GALNT7: variants seen among roughly 807,000 people sequenced by gnomAD.
GALNT7 encodes the protein N-acetylgalactosaminyltransferase 7.
In GALNT7, 60 loss-of-function variants were observed where a neutral mutation model predicts 82.1. That is an observed-to-expected ratio of 0.73 (90% CI 0.59 to 0.91). The LOEUF is 0.91. Ranked by LOEUF, GALNT7 falls within the 40% of genes least tolerant of loss-of-function variation. GALNT7 has a pLI of 0.00. For missense variants in GALNT7, 660 were observed against 804.2 expected, an observed-to-expected ratio of 0.82 and a Z score of 2.17; for synonymous variants, 243 against 275.1, an observed-to-expected ratio of 0.88 and a Z score of 1.15.
At position 173,219,301 on chromosome 4, in the gene GALNT7, T is replaced by C. The variant is rs143574254; in HGVS notation, c.127-28679T>C. 4.6e-4 allele frequency among the ~76,000 whole-genome samples: 70 copies of C among 152,262 alleles called. 1 individual carries two copies. The East Asian group carries it at 0.011, about 24-fold the overall frequency. On this transcript the variant is annotated intron_variant, in intron 1 of 11. Transcript: ENST00000265000. ...CCAGGTTGCTGCAAATGCCATTATT[T>C]CATTCCTTTTTATGTCTGAGTAGTG...
chr4:173,169,229 C>G (rs1296564550), intron 1 of GALNT7: 2 of 148,914 alleles, frequency 1.3e-5, no homozygotes, highest in African/African-American at 4.9e-5. Context: ...GCCGCGGCAG[C>G]GGCTCGGGCG....
At chr4:173,216,186 T>C (rs1044305996) in intron 1 of GALNT7, among the ~76,000 whole-genome samples, 5 of 152,212 alleles carry the variant, frequency 3.3e-5, no homozygotes, top group African/African-American at 1.2e-4. Context: ...CTATATGATA[T>C]TTGAATATGT....
rs185223400 is a variant in GALNT7 at position 173,303,536 on chromosome 4, A to G, written c.1267-460A>G. 1.3e-3 allele frequency among the ~76,000 whole-genome samples: 204 copies of G among 152,364 alleles called. 1 individual carries two copies. The highest frequency in any genetic ancestry group is 2.5e-3 in the Non-Finnish European group (169 of 68,042). On this transcript the variant is annotated intron_variant, in intron 7 of 11. Transcript: ENST00000265000. ...AACGATCAAAGATATTAAGCAAGGGAATAACATGACCCAAAGCTGCCCTTC... is the reference window on the plus strand; with the variant it reads ...AACGATCAAAGATATTAAGCAAGGGGATAACATGACCCAAAGCTGCCCTTC...
chr4:173,191,399 T>C (rs1398645475), intron 1 of GALNT7, among the ~76,000 whole-genome samples: 2 of 152,310 alleles, frequency 1.3e-5, no homozygotes, highest in East Asian at 1.9e-4. Context: ...GCCCTTCTGC[T>C]TCTGTCTAGT....
chr4:173,235,917 A>G (rs1489177130), intron 1 of GALNT7, among the ~76,000 whole-genome samples: 1 of 152,200 alleles, frequency 6.6e-6, no homozygotes, highest in African/African-American at 2.4e-5. Flanking sequence ...TTACAGCACC[A>G]TGTTTATATG....
chr4:173,171,205 A>G (rs1483847132), intron 1 of GALNT7, among the ~76,000 whole-genome samples: 2 of 152,218 alleles, frequency 1.3e-5, no homozygotes, highest in African/African-American at 4.8e-5. Flanking sequence ...CCTTCCTTTA[A>G]TAAAGACTAA....
At chr4:173,245,876 C>T (rs981458236) in intron 1 of GALNT7, among the ~76,000 whole-genome samples, 1 of 152,186 alleles carries the variant, frequency 6.6e-6, no homozygotes, top group Non-Finnish European at 1.5e-5. Context: ...GCCTTCTACT[C>T]ACTTACTCTG....
intron 1 of GALNT7, among the ~76,000 whole-genome samples, chr4:173,206,641 T>C (rs1382717983): frequency 6.6e-6 from 1 of 152,240 alleles, no homozygotes; most frequent in African/African-American, 2.4e-5. Context: ...AGTCTTTAGA[T>C]TCTGCGAGAT....
intron 2 of GALNT7, among the ~76,000 whole-genome samples, chr4:173,266,497 T>C (rs1735497044): frequency 6.6e-6 from 1 of 152,208 alleles, no homozygotes. Flanking sequence ...GCAGTAGTTT[T>C]AATTGTAGTA....
intron 1 of GALNT7, among the ~76,000 whole-genome samples, chr4:173,182,661 TACACACACACACACACAC>T (rs60501649): frequency 9.7e-5 from 13 of 133,466 alleles, no homozygotes; most frequent in Admixed American, 7.6e-4. Flanking sequence ...TTACTCATAA[TACACACACACACACACAC>T]ACACACACAC....
At chr4:173,202,930 A>C (rs1732984627) in intron 1 of GALNT7, among the ~76,000 whole-genome samples, 1 of 151,754 alleles carries the variant, frequency 6.6e-6, no homozygotes, top group South Asian at 2.1e-4. Flanking sequence ...TCTTTATCTC[A>C]TTTTACAGTA....
chr4:173,229,403 T>C (rs1212714087), intron 1 of GALNT7, among the ~76,000 whole-genome samples: 1 of 152,200 alleles, frequency 6.6e-6, no homozygotes, highest in Non-Finnish European at 1.5e-5. Flanking sequence ...AGGAATATAT[T>C]TGTTTTAGCA....
chr4:173,218,682 G>A (rs1740631434), intron 1 of GALNT7, among the ~76,000 whole-genome samples: 1 of 152,190 alleles, frequency 6.6e-6, no homozygotes, highest in African/African-American at 2.4e-5. Flanking sequence ...ATAGTGTCCA[G>A]TACAAATAAT....
chr4:173,276,552 G>C (rs1055741444), intron 2 of GALNT7, among the ~76,000 whole-genome samples: 5 of 152,162 alleles, frequency 3.3e-5, no homozygotes, highest in African/African-American at 1.2e-4. Flanking sequence ...ATCAAGAAAA[G>C]AATAGTCTAC....
intron 1 of GALNT7, among the ~76,000 whole-genome samples, chr4:173,205,134 C>T (rs1414446311): frequency 1.3e-5 from 2 of 151,626 alleles, no homozygotes; most frequent in African/African-American, 4.8e-5. Context: ...GCCTTGGATC[C>T]CCTGTTCATT....
chr4:173,315,374 G>T (rs893955323), intron 9 of GALNT7, among the ~76,000 whole-genome samples: 1 of 152,124 alleles, frequency 6.6e-6, no homozygotes, highest in African/African-American at 2.4e-5. Flanking sequence ...TACCTGCTAG[G>T]CGTCCAGGTA....
intron 1 of GALNT7, among the ~76,000 whole-genome samples, chr4:173,173,822 A>T (rs566856916): frequency 6.6e-6 from 1 of 152,230 alleles, no homozygotes; most frequent in Non-Finnish European, 1.5e-5. Flanking sequence ...AGGAACTAGT[A>T]GGCCAAGAGG....
chr4:173,312,928 G>A (rs1436995288), intron 8 of GALNT7, among the ~76,000 whole-genome samples: 4 of 151,958 alleles, frequency 2.6e-5, no homozygotes, highest in African/African-American at 4.8e-5. Context: ...GTGTGGTGGC[G>A]GGCACCTGTA....
chr4:173,285,756 C>T (rs1235118985), intron 2 of GALNT7, among the ~76,000 whole-genome samples: 4 of 152,156 alleles, frequency 2.6e-5, no homozygotes, highest in African/African-American at 9.6e-5. Context: ...AGCCCTTTTA[C>T]GAACAGGGGT....
Sources: gnomAD v4.1 joint callset for allele counts (sites outside exome capture counted in the v4.1 genomes callset) on GRCh38, gnomAD v4.1.1 for gene constraint, MANE v1.5 for transcripts, NCBI Gene and HGNC (gene_info 2026-07-23, HGNC 2026-07-21) for gene names.